Variants in PRKG1 observed in about 807,000 individuals in gnomAD.
PRKG1 encodes the protein cGMP-dependent protein kinase 1.
PRKG1 carries 35 observed loss-of-function variants against 88.1 expected under a neutral mutation model. The ratio of observed to expected loss-of-function variants is 0.40; its 90% CI spans 0.30 to 0.53. The LOEUF is 0.53. Among genes scored for constraint, PRKG1 ranks in the 20% least tolerant of loss-of-function variants. The probability of loss-of-function intolerance (pLI) is 0.59; values close to 1 mark genes in which losing one functional copy is unlikely to be tolerated. For missense variants in PRKG1, 540 were observed against 839.8 expected (o/e 0.64, Z 4.41); for synonymous variants, 303 against 292.5 (o/e 1.04, Z -0.37).
chr10:51,568,186 C>CCTTTT (rs113926410), intron 3 of PRKG1, among the ~76,000 whole-genome samples: 32,262 of 151,664 alleles, frequency 0.21, 4,902 homozygotes, highest in African/African-American at 0.44. Context: ...CAATCTTCAC[C>CCTTTT]CTTATGTATT....
chr10:51,715,780 A>G (rs920189850), intron 3 of PRKG1, among the ~76,000 whole-genome samples: 1 of 152,214 alleles, frequency 6.6e-6, no homozygotes, highest in Non-Finnish European at 1.5e-5. Context: ...GTCAGAATGA[A>G]AAAAATGTTT....
chr10:52,072,579 T>C (rs1846529831), intron 7 of PRKG1, among the ~76,000 whole-genome samples: 1 of 152,170 alleles, frequency 6.6e-6, no homozygotes, highest in Admixed American at 6.5e-5. Context: ...AGTAAACTCA[T>C]TTTCTTTCCA....
At chr10:51,528,733 G>C (rs1279962812) in intron 3 of PRKG1, among the ~76,000 whole-genome samples, 1 of 152,124 alleles carries the variant, frequency 6.6e-6, no homozygotes, top group African/African-American at 2.4e-5. Context: ...GCCCATGTGA[G>C]TTACTGCATT....
chr10:52,054,218 A>G (rs1846055106), intron 5 of PRKG1, among the ~76,000 whole-genome samples: 1 of 152,194 alleles, frequency 6.6e-6, no homozygotes, highest in African/African-American at 2.4e-5. Context: ...ATGCATACAT[A>G]TGTAACTAAC....
intron 2 of PRKG1, among the ~76,000 whole-genome samples, chr10:51,290,416 G>A (rs889656308): frequency 3.9e-5 from 6 of 152,066 alleles, no homozygotes; most frequent in African/African-American, 1.4e-4. Context: ...TTGAGCCCAG[G>A]ATTTCCAAAA....
At chr10:51,457,217 A>G (rs943536768) in intron 2 of PRKG1, among the ~76,000 whole-genome samples, 16 of 152,362 alleles carry the variant, frequency 1.1e-4, no homozygotes, top group Middle Eastern at 6.8e-3. Context: ...AAAATGTAGT[A>G]TATATACACT....
At chr10:52,202,296 A>G (rs1839697829) in intron 9 of PRKG1, among the ~76,000 whole-genome samples, 1 of 152,134 alleles carries the variant, frequency 6.6e-6, no homozygotes, top group Non-Finnish European at 1.5e-5. Context: ...GCATCTACTG[A>G]TAAGGTCTTA....
At chr10:51,341,271 G>C (rs970870159) in intron 2 of PRKG1, among the ~76,000 whole-genome samples, 28 of 152,234 alleles carry the variant, frequency 1.8e-4, no homozygotes, top group African/African-American at 6.7e-4. Flanking sequence ...ATAGAATTGT[G>C]TTAGAAAAAG....
intron 4 of PRKG1, among the ~76,000 whole-genome samples, chr10:51,885,717 T>G (rs1307642849): frequency 6.6e-6 from 1 of 152,244 alleles, no homozygotes; most frequent in African/African-American, 2.4e-5. Context: ...TCCTATTACT[T>G]TATGCCCCAG....
chr10:51,346,527 A>C (rs767142470), intron 2 of PRKG1, among the ~76,000 whole-genome samples: 9 of 152,228 alleles, frequency 5.9e-5, no homozygotes, highest in Non-Finnish European at 1.3e-4. Flanking sequence ...AGTGGAATCA[A>C]GCAACTGTTT....
intron 2 of PRKG1, among the ~76,000 whole-genome samples, chr10:51,227,924 G>T (rs1838736154): frequency 6.6e-6 from 1 of 152,060 alleles, no homozygotes; most frequent in East Asian, 1.9e-4. Context: ...TTAATCTCAT[G>T]GACATCTCTA....
intron 2 of PRKG1, among the ~76,000 whole-genome samples, chr10:51,164,956 C>G (rs1290060005): frequency 1.3e-5 from 2 of 152,146 alleles, no homozygotes; most frequent in African/African-American, 2.4e-5. Context: ...AAAATGGAAC[C>G]AAGTTGGAAA....
At chr10:51,617,988 G>A (rs930805055) in intron 3 of PRKG1, among the ~76,000 whole-genome samples, 4 of 152,184 alleles carry the variant, frequency 2.6e-5, no homozygotes, top group East Asian at 1.9e-4. Context: ...TTTCTGATAC[G>A]CTAAGGTTTT....
At chr10:52,174,827 T>A (rs538945000) in intron 9 of PRKG1, among the ~76,000 whole-genome samples, 34 of 151,038 alleles carry the variant, frequency 2.3e-4, no homozygotes, top group Middle Eastern at 3.4e-3. Flanking sequence ...CTTTATATGA[T>A]TTTATTTTTA....
intron 4 of PRKG1, among the ~76,000 whole-genome samples, chr10:51,883,717 C>A (rs1201183976): frequency 6.6e-6 from 1 of 152,108 alleles, no homozygotes; most frequent in Non-Finnish European, 1.5e-5. Context: ...AAATTGGCAG[C>A]ATGTTTCTGC....
At chr10:50,994,478 C>G (rs887424510) in intron 1 of PRKG1, among the ~76,000 whole-genome samples, 37 of 134,576 alleles carry the variant, frequency 2.7e-4, no homozygotes, top group African/African-American at 8.2e-4. Flanking sequence ...GGTGCGATCT[C>G]CGGCTCACTG....
chr10:52,290,437 C>T (rs996151719), intron 17 of PRKG1, 147 bp downstream of exon 17: 5 of 689,000 alleles, frequency 7.3e-6, no homozygotes, highest in Non-Finnish European at 1.1e-5. Context: ...ATGACATATT[C>T]TAAAATCCAA....
At chr10:51,934,779 T>C (rs1460443560) in intron 5 of PRKG1, among the ~76,000 whole-genome samples, 4 of 152,206 alleles carry the variant, frequency 2.6e-5, no homozygotes, top group Non-Finnish European at 5.9e-5. Flanking sequence ...GTATTTTTAG[T>C]CTGCACACAC....
At chr10:51,561,956 C>G (rs1199282632) in intron 3 of PRKG1, among the ~76,000 whole-genome samples, 1 of 152,030 alleles carries the variant, frequency 6.6e-6, no homozygotes, top group Non-Finnish European at 1.5e-5. Context: ...GGCACAGTGA[C>G]TCATGCCTAT....
Sources: allele counts gnomAD v4.1 joint callset (sites outside exome capture counted in the v4.1 genomes callset), GRCh38; gene constraint gnomAD v4.1.1; transcripts MANE v1.5; gene names NCBI Gene and HGNC (gene_info 2026-07-23, HGNC 2026-07-21).